SRFBP1: variants seen among roughly 807,000 people sequenced by gnomAD.
SRFBP1 encodes the protein serum response factor binding protein 1.
SRFBP1 carries 47 observed loss-of-function variants against 45.5 expected under a neutral mutation model. That is an observed-to-expected ratio of 1.03 (90% CI 0.82 to 1.32). SRFBP1 has a LOEUF of 1.32. Among genes scored for constraint, SRFBP1 ranks in the 40% most tolerant of loss-of-function variants. SRFBP1 has a pLI of 0.00. For missense variants in SRFBP1, 621 were observed against 484.6 expected (o/e 1.28, Z -2.64); for synonymous variants, 203 against 166.3 (o/e 1.22, Z -1.70).
intron 3 of SRFBP1, among the ~76,000 whole-genome samples, chr5:121,986,735 C>T (rs76276378): frequency 0.028 from 4,253 of 152,046 alleles, 152 homozygotes; most frequent in Admixed American, 0.096. Flanking sequence ...GCCTCATATC[C>T]GTAATCAGCC....
intron 1 of SRFBP1, among the ~76,000 whole-genome samples, chr5:121,965,350 T>C (rs910097263): frequency 1.3e-5 from 2 of 152,250 alleles, no homozygotes; most frequent in Non-Finnish European, 2.9e-5. Context: ...TTAATCCATC[T>C]TGAGTTAATT....
intron 2 of SRFBP1, among the ~76,000 whole-genome samples, chr5:122,051,624 T>C (rs1753982606): frequency 6.6e-6 from 1 of 152,104 alleles, no homozygotes; most frequent in Non-Finnish European, 1.5e-5. Context: ...TTTTTTTCCA[T>C]CCCTTTGTTT....
chr5:122,057,471 G>C (rs1334138502), intron 2 of SRFBP1, among the ~76,000 whole-genome samples: 1 of 151,350 alleles, frequency 6.6e-6, no homozygotes, highest in African/African-American at 2.4e-5. Flanking sequence ...GTGTGTGTGT[G>C]TGTGTGTGTG....
At position 122,020,940 on chromosome 5, in the gene SRFBP1, G is replaced by A. The variant is rs781702626; in HGVS notation, c.1067+138G>A. On this transcript the variant is annotated intron_variant, in intron 6 of 7. Coordinates refer to ENST00000339397, the MANE Select transcript of SRFBP1 (RefSeq NM_152546.3). Reference sequence around the variant, plus strand: ...GTTTTTAGACATGGCCCTCTCCAAGGTTGTAGTGGGGTATTAGGTACAGAT... The same window carrying A: ...GTTTTTAGACATGGCCCTCTCCAAGATTGTAGTGGGGTATTAGGTACAGAT... 8 of 721,726 alleles carry A rather than the reference G, an allele frequency of 1.1e-5. No individual in the cohort carries two copies. In the South Asian group the frequency reaches 2.0e-4, roughly 18 times the overall value. The allele number at this position is 721,726 out of a possible 1,614,324, so 44.7% of individuals were successfully genotyped here. A position where few individuals can be genotyped will look rare whatever the true frequency, so the allele number is the denominator to read the frequency against.
At chr5:121,999,140 C>G (rs1031464358) in intron 4 of SRFBP1, among the ~76,000 whole-genome samples, 20 of 152,064 alleles carry the variant, frequency 1.3e-4, no homozygotes, top group African/African-American at 4.6e-4. Flanking sequence ...GTAAGCAGTA[C>G]TTTAGCTGCA....
At chr5:121,982,681 G>A (rs937358660) in intron 3 of SRFBP1, among the ~76,000 whole-genome samples, 3 of 151,958 alleles carry the variant, frequency 2.0e-5, no homozygotes, top group South Asian at 2.1e-4. Context: ...CTGAGTCATA[G>A]TATACACCTA....
intron 6 of SRFBP1, among the ~76,000 whole-genome samples, chr5:122,021,880 A>G (rs1753332430): frequency 6.6e-6 from 1 of 150,756 alleles, no homozygotes; most frequent in Non-Finnish European, 1.5e-5. Flanking sequence ...GTTTTCTAGT[A>G]GAGACGGGTT....
chr5:122,034,086 G>A (rs1282859109), intron 2 of SRFBP1, among the ~76,000 whole-genome samples: 2 of 152,122 alleles, frequency 1.3e-5, no homozygotes, highest in Non-Finnish European at 2.9e-5. Context: ...AGCCTCCCAT[G>A]GTGCTGGGAT....
chr5:122,040,864 A>C (rs765526663), intron 2 of SRFBP1, among the ~76,000 whole-genome samples: 47 of 151,828 alleles, frequency 3.1e-4, no homozygotes, highest in Non-Finnish European at 4.0e-4. Context: ...ATCTTGTTAG[A>C]GAGAACTTCT....
At chr5:121,963,627 G>A (rs180718102) in intron 1 of SRFBP1, among the ~76,000 whole-genome samples, 5 of 152,196 alleles carry the variant, frequency 3.3e-5, no homozygotes, top group East Asian at 1.9e-4. Context: ...TCTGTTCTTT[G>A]TGCACCCAGA....
intron 4 of SRFBP1, among the ~76,000 whole-genome samples, chr5:122,011,074 G>C (rs1753082885): frequency 6.6e-6 from 1 of 152,060 alleles, no homozygotes; most frequent in African/African-American, 2.4e-5. Flanking sequence ...TATGTCATCA[G>C]ATAAAATCTA....
chr5:122,048,161 A>G (rs1417851617), intron 2 of SRFBP1, among the ~76,000 whole-genome samples: 1 of 152,188 alleles, frequency 6.6e-6, no homozygotes, highest in African/African-American at 2.4e-5. Flanking sequence ...TTGCCCATTC[A>G]GTATGATATT....
chr5:122,008,235 G>C (rs1009989371), intron 4 of SRFBP1, among the ~76,000 whole-genome samples: 1 of 152,006 alleles, frequency 6.6e-6, no homozygotes, highest in East Asian at 1.9e-4. Context: ...TCAGAACCTG[G>C]GGCCACTGAT....
intron 2 of SRFBP1, among the ~76,000 whole-genome samples, chr5:122,035,039 T>G (rs1347860434): frequency 7.1e-6 from 1 of 141,170 alleles, no homozygotes; most frequent in Non-Finnish European, 1.5e-5. Context: ...GGGATACAGG[T>G]TTTTTTTTTG....
At position 122,017,955 on chromosome 5, in the gene SRFBP1, A is replaced by C. The variant is rs77787993; in HGVS notation, c.271-1305A>C. Among the ~76,000 whole-genome samples, 908 of 152,336 alleles carry C rather than the reference A, an allele frequency of 6.0e-3. 9 individuals carry two copies. The highest frequency in any genetic ancestry group is 0.02 in the African/African-American group (844 of 41,580). On this transcript the variant is annotated intron_variant, in intron 4 of 7. Coordinates refer to ENST00000339397, the MANE Select transcript of SRFBP1 (RefSeq NM_152546.3). The stretch of plus-strand genomic sequence containing the variant: ...TCTAGGCACTGAATCTACAGCAATG[A>C]GGCAAACAAAGTCTCTGCTTTGCAG...
rs1239916032 is a variant in SRFBP1 at position 122,020,182 on chromosome 5, G to A, written c.447G>A (p.Leu149=). The A allele has an allele frequency of 1.9e-6, 3 of 1,611,330 alleles. No individual in the cohort carries two copies. Among genetic ancestry groups the A allele is most frequent in the South Asian group, 2.2e-5 (2 of 90,122 alleles). ...AGGACAATCATTCTGAGAATACTTT[G>A]TATTCAAATGATAATGGAAGTAATT... ...ASEDNHSENT[L]YSNDNGSNLQ... is the part of the protein sequence containing the mutation. Residue 149 remains leucine, a synonymous_variant, in exon 6 of 8, where the codon TTG becomes TTA. Transcript: ENST00000339397.
Position 122,020,596 on chromosome 5 carries a change from T to C in SRFBP1, c.861T>C (p.Ile287=), listed in dbSNP as rs768573869. Residue 287 remains isoleucine, a synonymous_variant, in exon 6 of 8, where the codon ATT becomes ATC. Transcript: ENST00000339397. The part of the protein sequence containing the change: ...EDSDSGDDFF[I]GKVRRTRKKE... ...GTGATAGCGGTGACGACTTCTTCAT[T>C]GGGAAAGTCAGACGGACACGAAAGA... 13 of 1,613,808 alleles carry C rather than the reference T, an allele frequency of 8.1e-6. No homozygotes were observed. The East Asian group carries it at 2.7e-4, about 33-fold the overall frequency.
At chr5:122,003,261 C>T (rs571164705) in intron 4 of SRFBP1, among the ~76,000 whole-genome samples, 35 of 151,136 alleles carry the variant, frequency 2.3e-4, no homozygotes, top group Non-Finnish European at 4.0e-4. Context: ...GGGAGAACCA[C>T]ATGAGCCTGG....
chr5:122,011,741 G>T (rs949705521), intron 4 of SRFBP1, among the ~76,000 whole-genome samples: 1 of 152,102 alleles, frequency 6.6e-6, no homozygotes, highest in Admixed American at 6.6e-5. Context: ...AATATAAAGA[G>T]GGAAGAAGTT....
Sources: gnomAD v4.1 joint callset for allele counts (sites outside exome capture counted in the v4.1 genomes callset) on GRCh38, gnomAD v4.1.1 for gene constraint, MANE v1.5 for transcripts, NCBI Gene and HGNC (gene_info 2026-07-23, HGNC 2026-07-21) for gene names.